The following CCDC192 variants were observed in gnomAD, a reference collection of about 807,000 sequenced individuals.
CCDC192 encodes the protein coiled-coil domain containing 192.
chr5:127,918,404 C>G (rs10065500), intron 6 of CCDC192, among the ~76,000 whole-genome samples: 13,866 of 151,958 alleles, frequency 0.091, 2,089 homozygotes, highest in African/African-American at 0.31. Flanking sequence ...ACCATGTTAG[C>G]ATGAGCAACA....
intron 3 of CCDC192, among the ~76,000 whole-genome samples, chr5:127,759,222 G>A (rs1386703077): frequency 3.9e-5 from 6 of 152,172 alleles, no homozygotes; most frequent in African/African-American, 1.4e-4. Flanking sequence ...AAATGGGATA[G>A]GTATCTGTCC....
At chr5:127,719,546 T>TACACACACACACACACACATAC (rs1561445022) in intron 2 of CCDC192, among the ~76,000 whole-genome samples, 4 of 33,176 alleles carry the variant, frequency 1.2e-4, no homozygotes, top group African/African-American at 3.8e-4. Context: ...TATATATATA[T>TACACACACACACACACACATAC]ATATATATAT....
chr5:127,763,217 C>G (rs915690022), intron 3 of CCDC192, among the ~76,000 whole-genome samples: 3 of 152,182 alleles, frequency 2.0e-5, no homozygotes. Context: ...CTCTCCATCT[C>G]CATCTCCAAA....
At chr5:127,707,183 A>G (rs1049496393) in intron 1 of CCDC192, among the ~76,000 whole-genome samples, 21 of 152,326 alleles carry the variant, frequency 1.4e-4, no homozygotes, top group African/African-American at 5.1e-4. Flanking sequence ...AGACAGTGAG[A>G]ATATCGTTTT....
chr5:127,746,909 G>A (rs562830714), intron 2 of CCDC192, among the ~76,000 whole-genome samples: 1 of 152,152 alleles, frequency 6.6e-6, no homozygotes, highest in African/African-American at 2.4e-5. Flanking sequence ...TACAAAAACT[G>A]AATGAATGCT....
intron 5 of CCDC192, among the ~76,000 whole-genome samples, chr5:127,815,872 A>T (rs1749000727): frequency 6.6e-6 from 1 of 151,926 alleles, no homozygotes; most frequent in African/African-American, 2.4e-5. Flanking sequence ...TGTCTGAAAA[A>T]AAAAATAAAA....
At chr5:127,937,464 A>G (rs1341211894) in intron 6 of CCDC192, among the ~76,000 whole-genome samples, 1 of 152,174 alleles carries the variant, frequency 6.6e-6, no homozygotes, top group Admixed American at 6.5e-5. Context: ...AAGAGATATG[A>G]GAGAGGTTTT....
chr5:127,785,032 G>T, intron 3 of CCDC192: 1 of 483,030 alleles, frequency 2.1e-6, no homozygotes, highest in South Asian at 1.6e-5. Flanking sequence ...TAGGACTTAT[G>T]CCAAAATGTC....
intron 1 of CCDC192, among the ~76,000 whole-genome samples, chr5:127,707,080 G>T (rs114754523): frequency 6.6e-6 from 1 of 152,212 alleles, no homozygotes; most frequent in Non-Finnish European, 1.5e-5. Context: ...AATTGGACAA[G>T]TGCAGTTTCT....
intron 5 of CCDC192, among the ~76,000 whole-genome samples, chr5:127,846,819 C>CAAAAAAA (rs551016691): frequency 1.6e-5 from 1 of 63,678 alleles, no homozygotes; most frequent in African/African-American, 5.9e-5. Context: ...GTCAATAAAG[C>CAAAAAAA]AAAAAAAAAA....
chr5:127,782,956 C>G (rs541787058), intron 3 of CCDC192, among the ~76,000 whole-genome samples: 2 of 149,612 alleles, frequency 1.3e-5, no homozygotes, highest in African/African-American at 4.9e-5. Flanking sequence ...GGGCTATGAA[C>G]TTTCCTCCTA....
chr5:127,825,235 A>G (rs1015548039), intron 5 of CCDC192, among the ~76,000 whole-genome samples: 2 of 152,246 alleles, frequency 1.3e-5, no homozygotes, highest in Non-Finnish European at 2.9e-5. Context: ...GGCATAGAGT[A>G]ACAGTTCAGA....
intron 6 of CCDC192, among the ~76,000 whole-genome samples, chr5:127,887,865 G>GTATATATATAT (rs1197711548): frequency 2.6e-5 from 4 of 151,414 alleles, no homozygotes; most frequent in African/African-American, 9.7e-5. Context: ...CACCATGCCC[G>GTATATATATAT]ACTAATTTTT....
At chr5:127,766,912 T>C (rs1309524216) in intron 3 of CCDC192, among the ~76,000 whole-genome samples, 1 of 152,242 alleles carries the variant, frequency 6.6e-6, no homozygotes, top group African/African-American at 2.4e-5. Context: ...CTGGGAACAG[T>C]TGCCTTCCTC....
chr5:127,925,511 C>G (rs1248551322), intron 6 of CCDC192, among the ~76,000 whole-genome samples: 1 of 152,134 alleles, frequency 6.6e-6, no homozygotes, highest in Non-Finnish European at 1.5e-5. Flanking sequence ...TGTCCCTCAG[C>G]CCATCCTTGA....
chr5:127,722,600 T>C (rs1715136754), intron 2 of CCDC192, among the ~76,000 whole-genome samples: 1 of 152,196 alleles, frequency 6.6e-6, no homozygotes, highest in Non-Finnish European at 1.5e-5. Flanking sequence ...AGGTCTTAGA[T>C]TTAAGTCTTT....
intron 5 of CCDC192, among the ~76,000 whole-genome samples, chr5:127,825,005 C>T (rs1749460345): frequency 6.6e-6 from 1 of 152,130 alleles, no homozygotes; most frequent in Non-Finnish European, 1.5e-5. Context: ...AATCTGGATA[C>T]CTAAACTGGA....
At chr5:127,901,754 G>A (rs1241455834) in intron 6 of CCDC192, among the ~76,000 whole-genome samples, 2 of 152,128 alleles carry the variant, frequency 1.3e-5, no homozygotes, top group East Asian at 3.9e-4. Flanking sequence ...AAGGCTGCTG[G>A]TCCTCCCTGT....
chr5:127,818,946 T>A (rs1490377238), intron 5 of CCDC192, among the ~76,000 whole-genome samples: 1 of 152,198 alleles, frequency 6.6e-6, no homozygotes, highest in Non-Finnish European at 1.5e-5. Flanking sequence ...TTGCTTTGTT[T>A]CATTTGAGGA....
Sources: gnomAD v4.1 joint callset for allele counts (sites outside exome capture counted in the v4.1 genomes callset) on GRCh38, gnomAD v4.1.1 for gene constraint, MANE v1.5 for transcripts, NCBI Gene and HGNC (gene_info 2026-07-23, HGNC 2026-07-21) for gene names.